The following SAMD14 variants were observed in gnomAD, a reference collection of about 807,000 sequenced individuals.
SAMD14 encodes the protein sterile alpha motif domain-containing protein 14.
In SAMD14, 27 loss-of-function variants were observed where a neutral mutation model predicts 46.2. The ratio of observed to expected loss-of-function variants is 0.58; its 90% CI spans 0.43 to 0.81. SAMD14 has a LOEUF of 0.81. SAMD14 is among the 30% of genes least tolerant of loss of function. The pLI is 0.00. For missense variants in SAMD14, 559 were observed against 582.2 expected, an observed-to-expected ratio of 0.96 and a Z score of 0.41; for synonymous variants, 241 against 254.3, an observed-to-expected ratio of 0.95 and a Z score of 0.50.
At position 50,117,701 on chromosome 17, in the gene SAMD14, C is replaced by G. The variant is rs762278998; in HGVS notation, c.211-6G>C. 26 of 1,434,374 alleles carry G rather than the reference C, an allele frequency of 1.8e-5. No individual in the cohort carries two copies. Among genetic ancestry groups the G allele is most frequent in the Non-Finnish European group, 2.4e-5 (26 of 1,099,316 alleles). The allele number at this position is 1,434,374 out of a possible 1,614,324, so 88.9% of individuals were successfully genotyped here. On this transcript the variant is annotated splice_region_variant and splice_polypyrimidine_tract_variant and intron_variant, in intron 3 of 9. Transcript: ENST00000330175. The stretch of plus-strand genomic sequence containing the variant: ...CTCCCGCAGCCATCGGTCACCTGGA[C>G]GAGGGGGCAGCCGCTCACCGAGAAC...
chr17:50,113,199 A>G (rs570690243), intron 9 of SAMD14, 151 bp from the exon 10 acceptor site: 9 of 816,532 alleles, frequency 1.1e-5, no homozygotes, highest in African/African-American at 3.5e-5. Flanking sequence ...TGACCTGCCC[A>G]TGGATCAGAA....
At chr17:50,122,920 G>T (rs912367890) in intron 2 of SAMD14, among the ~76,000 whole-genome samples, 1 of 152,058 alleles carries the variant, frequency 6.6e-6, no homozygotes, top group African/African-American at 2.4e-5. Flanking sequence ...TGTCCAGGGG[G>T]CAACCTGCTG....
intron 2 of SAMD14, among the ~76,000 whole-genome samples, chr17:50,120,866 ATAAT>A: frequency 6.6e-6 from 1 of 152,042 alleles, no homozygotes; most frequent in Non-Finnish European, 1.5e-5. Context: ...CACCCAATTT[ATAAT>A]AGCCCCCCCA....
rs1910803993 is a variant in SAMD14 at position 50,110,998 on chromosome 17, C to T, written c.*1895G>A. Reference sequence around the variant, plus strand: ...ACAGGGGTTAAAGCTGTGTGTCCCTCCCAGTGGCTGTGGCAGTGACAGTGA... The same window carrying T: ...ACAGGGGTTAAAGCTGTGTGTCCCTTCCAGTGGCTGTGGCAGTGACAGTGA... On this transcript the variant is annotated 3_prime_UTR_variant, in exon 10 of 10. Transcript: ENST00000330175. 6.6e-6 allele frequency: 1 copy of T among 152,366 alleles called. No individual in the cohort carries two copies. Among genetic ancestry groups the T allele is most frequent in the South Asian group, 2.1e-4 (1 of 4,826 alleles). 9.4% of individuals were successfully genotyped at this position (152,366 alleles called of 1,614,324 possible). A position where few individuals can be genotyped will look rare whatever the true frequency, so the allele number is the denominator to read the frequency against.
In SAMD14 at chr17:50,129,999, G is replaced by A. The variant is rs1911962249; in HGVS notation, c.-495C>T. The A allele has an allele frequency of 6.6e-6, 1 of 151,752 alleles. No homozygotes were observed. 9.4% of individuals were successfully genotyped at this position (151,752 alleles called of 1,614,324 possible). A position where few individuals can be genotyped will look rare whatever the true frequency, so the allele number is the denominator to read the frequency against. ...GGGTCCGCGGGGGTCTCCGGGGAAG[G>A]GGCGTCGGGGTGGGGGGCGCGTGGC... On this transcript the variant is annotated 5_prime_UTR_variant, in exon 1 of 10. Coordinates refer to ENST00000330175, the MANE Select transcript of SAMD14 (RefSeq NM_001257359.2). This position sits in a 1 kb window ranked among gnomAD's most constrained non-coding sequence, Gnocchi z 5.6.
chr17:50,121,821 A>G (rs1407671794), intron 2 of SAMD14, among the ~76,000 whole-genome samples: 1 of 152,102 alleles, frequency 6.6e-6, no homozygotes, highest in Non-Finnish European at 1.5e-5. Context: ...CCAGATGGCC[A>G]GGCTGAAGCC....
Position 50,113,260 on chromosome 17 carries a change from G to T in SAMD14, c.1099-212C>A, listed in dbSNP as rs888767100. The T allele has an allele frequency of 6.9e-6, 4 of 575,840 alleles. No homozygotes were observed. In the African/African-American group the frequency reaches 7.6e-5, roughly 11 times the overall value. The allele number at this position is 575,840 out of a possible 1,614,324, so 35.7% of individuals were successfully genotyped here. ...GTGTGGTTGGGAAAGATGAGGGTTG[G>T]GGGTATTAGGCGCTTCCTCCTCCTC... On this transcript the variant is annotated intron_variant, in intron 9 of 9. Coordinates refer to ENST00000330175, the MANE Select transcript of SAMD14 (RefSeq NM_001257359.2).
At chr17:50,126,313 T>C (rs563163846) in intron 1 of SAMD14, among the ~76,000 whole-genome samples, 1 of 151,630 alleles carries the variant, frequency 6.6e-6, no homozygotes, top group South Asian at 2.1e-4. Flanking sequence ...GAATTTTTTT[T>C]TTTTTTTTTG....
At chr17:50,119,072 GGGCTTGCAGTTGGAGT>G (rs1304223791) in intron 2 of SAMD14, among the ~76,000 whole-genome samples, 2 of 152,170 alleles carry the variant, frequency 1.3e-5, no homozygotes, top group African/African-American at 4.8e-5. Flanking sequence ...AGCATCTAGA[GGGCTTGCAGTTGGAGT>G]GGAGCAAAGG....
rs1461210917 is a variant in SAMD14 at position 50,113,907 on chromosome 17, C to T, written c.1098+17G>A. The T allele has an allele frequency of 6.2e-7, 1 of 1,613,666 alleles. No homozygotes were observed. Among genetic ancestry groups the T allele is most frequent in the Admixed American group, 1.7e-5 (1 of 60,024 alleles). On this transcript the variant is annotated intron_variant, in intron 9 of 9. Transcript: ENST00000330175. Reference sequence around the variant, plus strand: ...CAAGTAACTGGGCTGGGTCATGGCCCTTCCACTCTGACCCACCTTTAGTTT... The same window carrying T: ...CAAGTAACTGGGCTGGGTCATGGCCTTTCCACTCTGACCCACCTTTAGTTT...
Position 50,118,335 on chromosome 17 carries a change from C to T in SAMD14, c.44-8G>A. On this transcript the variant is annotated splice_region_variant and splice_polypyrimidine_tract_variant and intron_variant, in intron 2 of 9. Transcript: ENST00000330175. ...GCACAGCCAAGTCCAGGTCTGCGAA[C>T]CGGGGGAGGGGAGCAGAGACCAGAC... 2 of 1,611,116 alleles carry T rather than the reference C, an allele frequency of 1.2e-6. No individual in the cohort carries two copies. The highest frequency in any genetic ancestry group is 1.7e-6 in the Non-Finnish European group (2 of 1,179,978).
At position 50,115,486 on chromosome 17, in the gene SAMD14, C is replaced by T; in HGVS notation, c.822+78G>A. 6.9e-7 allele frequency: 1 copy of T among 1,451,602 alleles called. No individual in the cohort carries two copies. The allele number at this position is 1,451,602 out of a possible 1,614,324, so 89.9% of individuals were successfully genotyped here. A position where few individuals can be genotyped will look rare whatever the true frequency, so the allele number is the denominator to read the frequency against. ...GATTCCAGGAATGTCTGAATCCCAG[C>T]CTGAGCCAAGGTGAAGTACGCCCTC... On this transcript the variant is annotated intron_variant, in intron 7 of 9. Transcript: ENST00000330175. This position sits in a 1 kb window ranked among gnomAD's most constrained non-coding sequence, Gnocchi z 5.3.
chr17:50,116,686 C>T (rs1353024508), intron 4 of SAMD14, among the ~76,000 whole-genome samples: 1 of 151,802 alleles, frequency 6.6e-6, no homozygotes, highest in Non-Finnish European at 1.5e-5. Flanking sequence ...GGATTACAAG[C>T]GTGAGCCACT....
Sources: allele counts gnomAD v4.1 joint callset (sites outside exome capture counted in the v4.1 genomes callset), GRCh38; gene constraint gnomAD v4.1.1; non-coding constraint Gnocchi (gnomAD v3.1); transcripts MANE v1.5; gene names NCBI Gene and HGNC (gene_info 2026-07-23, HGNC 2026-07-21).